The following PRDM1 variants were observed in gnomAD, a reference collection of about 807,000 sequenced individuals.
PRDM1 encodes the protein PR/SET domain 1, also known as PR domain zinc finger protein 1.
A neutral mutation model predicts 62.8 loss-of-function variants in PRDM1; 13 were observed. The ratio of observed to expected loss-of-function variants is 0.21; its 90% confidence interval spans 0.13 to 0.33. The LOEUF (loss-of-function observed/expected upper bound fraction) is 0.33. Ranked by LOEUF, PRDM1 falls within the 10% of genes least tolerant of loss-of-function variation. PRDM1 has a pLI of 1.00. For synonymous variants in PRDM1, 396 were observed against 417.6 expected, an observed-to-expected ratio of 0.95 and a Z score of 0.63; for missense variants, 895 against 1,058.8, an observed-to-expected ratio of 0.85 and a Z score of 2.15.
At chr6:106,042,806 G>A (rs1225368658) in intron 1 of PRDM1, among the ~76,000 whole-genome samples, 1 of 152,048 alleles carries the variant, frequency 6.6e-6, no homozygotes, top group East Asian at 1.9e-4. Context: ...TTCATCCAAC[G>A]TTACTTCACT....
In PRDM1 at chr6:106,106,224, A is replaced by C; in HGVS notation, c.1774-147A>C. ...TTTTTGTGCTTTTAAGAAAAACACC[A>C]TTCTGAAAACATGAAGATTTCTTCT... On this transcript the variant is annotated intron_variant, in intron 5 of 6. Transcript: ENST00000369096. The surrounding 1 kb of genome is among the most constrained non-coding windows in gnomAD (Gnocchi z 4.4). The C allele has an allele frequency of 7.6e-7, 1 of 1,323,894 alleles. No individual in the cohort carries two copies. Among genetic ancestry groups the C allele is most frequent in the Admixed American group, 2.3e-5 (1 of 42,996 alleles). The allele number at this position is 1,323,894 out of a possible 1,614,324, so 82.0% of individuals were successfully genotyped here.
rs760040348 is a variant in PRDM1 at position 106,099,143 on chromosome 6, A to AT, written c.412-155dup. 10 of 1,607,978 alleles carry AT rather than the reference A, an allele frequency of 6.2e-6. No individual in the cohort carries two copies. In the South Asian group the frequency reaches 1.1e-4, roughly 18 times the overall value. On this transcript the variant is annotated intron_variant, in intron 3 of 6. Coordinates refer to ENST00000369096, the MANE Select transcript of PRDM1 (RefSeq NM_001198.4). The stretch of plus-strand genomic sequence containing the variant: ...CCTGTTTCCGCCCTGATTTCTGCTG[A>AT]TTCAAGACTATTCTGGCTAAACTGA...
intron 1 of PRDM1, chr6:106,087,726 A>G (rs1773846550): frequency 8.6e-6 from 2 of 233,140 alleles, no homozygotes; most frequent in Non-Finnish European, 1.7e-5. Flanking sequence ...CCGCTCCTGC[A>G]CCACACGCGC....
At chr6:106,029,414 A>T (rs182480481) in intron 1 of PRDM1, among the ~76,000 whole-genome samples, 1 of 152,342 alleles carries the variant, frequency 6.6e-6, no homozygotes, top group Non-Finnish European at 1.5e-5. Flanking sequence ...GAATTGCCTG[A>T]GCATCTTAAG....
chr6:106,096,991 A>G (rs1774131701), intron 3 of PRDM1, among the ~76,000 whole-genome samples: 1 of 152,220 alleles, frequency 6.6e-6, no homozygotes, highest in African/African-American at 2.4e-5. Context: ...TTCGGACAAG[A>G]AGCTATTCCT....
chr6:106,093,750 T>C (rs1774020397), intron 2 of PRDM1, among the ~76,000 whole-genome samples: 1 of 152,118 alleles, frequency 6.6e-6, no homozygotes, highest in Admixed American at 6.5e-5. Flanking sequence ...ATACCAATAA[T>C]GACAAACGGT....
At chr6:106,015,778 T>C (rs1400703582) in intron 1 of PRDM1, among the ~76,000 whole-genome samples, 2 of 152,104 alleles carry the variant, frequency 1.3e-5, no homozygotes, top group Admixed American at 6.5e-5. Context: ...TTTTTCCTTT[T>C]CTTTCTTTTT....
intron 1 of PRDM1, among the ~76,000 whole-genome samples, chr6:106,055,597 G>A (rs942251235): frequency 6.6e-6 from 1 of 152,186 alleles, no homozygotes; most frequent in Admixed American, 6.5e-5. Context: ...ATACGTAAGG[G>A]ACCTTGTGTC....
chr6:106,106,764 A>T lies in PRDM1; in HGVS notation c.1903-147A>T. The T allele has an allele frequency of 1.0e-6, 1 of 1,000,624 alleles. No individual in the cohort carries two copies. The highest frequency in any genetic ancestry group is 1.5e-6 in the Non-Finnish European group (1 of 686,008). 62.0% of individuals were successfully genotyped at this position (1,000,624 alleles called of 1,614,324 possible). On this transcript the variant is annotated intron_variant, in intron 6 of 6. Transcript: ENST00000369096. This position sits in a 1 kb window ranked among gnomAD's most constrained non-coding sequence, Gnocchi z 4.4. ...TGTGCCCACATCCCCCCGTTTGCTTAATACCACACTGGAGGTGCCACAAGG... is the reference window on the plus strand; with the variant it reads ...TGTGCCCACATCCCCCCGTTTGCTTTATACCACACTGGAGGTGCCACAAGG...
chr6:106,020,173 ACT>A (rs1157594016), intron 1 of PRDM1, among the ~76,000 whole-genome samples: 1 of 140,494 alleles, frequency 7.1e-6, no homozygotes, highest in Non-Finnish European at 1.6e-5. Context: ...ATAGAACGAG[ACT>A]CTGTCTCAAA....
intron 1 of PRDM1, among the ~76,000 whole-genome samples, chr6:106,056,058 G>A (rs2114588408): frequency 6.6e-6 from 1 of 152,256 alleles, no homozygotes; most frequent in African/African-American, 2.4e-5. Context: ...GGTAGGAACT[G>A]AGATATTTAA....
intron 1 of PRDM1, among the ~76,000 whole-genome samples, chr6:105,999,809 TTTAAG>T: frequency 6.6e-6 from 1 of 152,320 alleles, no homozygotes; most frequent in East Asian, 1.9e-4. Flanking sequence ...TTCAGAGTAT[TTTAAG>T]TTATTTTTAA....
At chr6:106,028,786 T>C (rs1345971774) in intron 1 of PRDM1, among the ~76,000 whole-genome samples, 1 of 152,098 alleles carries the variant, frequency 6.6e-6, no homozygotes, top group Non-Finnish European at 1.5e-5. Context: ...TTGTAATCCA[T>C]TAATCCATCT....
chr6:106,094,906 AACACACACAC>A (rs3833460), intron 2 of PRDM1, among the ~76,000 whole-genome samples: 20,270 of 88,732 alleles, frequency 0.23, 1,752 homozygotes, highest in Middle Eastern at 0.35. Flanking sequence ...TTGTCTTTAA[AACACACACAC>A]ACACACACAC....
At chr6:106,098,192 T>C (rs1387287374) in intron 3 of PRDM1, 7 of 985,156 alleles carry the variant, frequency 7.1e-6, no homozygotes, top group African/African-American at 1.7e-5. Flanking sequence ...GCTTGGAGAC[T>C]GCAAGTCGCA....
chr6:106,076,885 C>T (rs909130911), intron 1 of PRDM1, among the ~76,000 whole-genome samples: 3 of 152,140 alleles, frequency 2.0e-5, no homozygotes, highest in Admixed American at 6.6e-5. Context: ...GGGAGGAAGG[C>T]CCTAAGACTG....
At chr6:106,062,536 T>G (rs1773359867) in intron 1 of PRDM1, among the ~76,000 whole-genome samples, 1 of 152,212 alleles carries the variant, frequency 6.6e-6, no homozygotes, top group Non-Finnish European at 1.5e-5. Flanking sequence ...TAGTGGGATG[T>G]ATACAAAAAA....
intron 2 of PRDM1, among the ~76,000 whole-genome samples, chr6:106,093,211 A>G (rs1399549540): frequency 6.6e-6 from 1 of 152,206 alleles, no homozygotes; most frequent in Non-Finnish European, 1.5e-5. Flanking sequence ...TGGGTAGCTT[A>G]TGCTTTCTAG....
At chr6:106,006,323 A>T (rs2114546261) in intron 1 of PRDM1, among the ~76,000 whole-genome samples, 1 of 152,318 alleles carries the variant, frequency 6.6e-6, no homozygotes, top group South Asian at 2.1e-4. Flanking sequence ...TTTGGTATAA[A>T]CTTTACTTTC....
Sources: gnomAD v4.1 joint callset for allele counts (sites outside exome capture counted in the v4.1 genomes callset) on GRCh38, gnomAD v4.1.1 for gene constraint, Gnocchi (gnomAD v3.1) non-coding constraint, MANE v1.5 for transcripts, NCBI Gene and HGNC (gene_info 2026-07-23, HGNC 2026-07-21) for gene names.